Variants in ATM observed in about 807,000 individuals in gnomAD.
The protein encoded by ATM is serine-protein kinase ATM.
A neutral mutation model predicts 387.0 loss-of-function variants in ATM; 308 were observed. The observed-to-expected ratio is 0.80, with a 90% confidence interval of 0.73 to 0.87. ATM has a LOEUF of 0.87. ATM is among the 40% of genes least tolerant of loss of function. The pLI, the probability that ATM is intolerant of heterozygous loss-of-function variation, is 0.00. For missense variants in ATM, 3,312 were observed against 3,560.9 expected (o/e 0.93, Z 1.78); for synonymous variants, 1,156 against 1,187.3 (o/e 0.97, Z 0.54).
At chr11:108,287,810 A>G (rs1591656636) in intron 27 of ATM, 95 bp downstream of exon 27, 1 of 874,750 alleles carries the variant, frequency 1.1e-6, no homozygotes. Context: ...TTCAATTTAT[A>G]GACATCACTC....
In ATM at chr11:108,368,991, A is replaced by G; in HGVS notation, c.*3483A>G. 1 of 184,760 alleles carries G rather than the reference A, an allele frequency of 5.4e-6. No individual in the cohort carries two copies. Among genetic ancestry groups the G allele is most frequent in the Non-Finnish European group, 1.1e-5 (1 of 87,146 alleles). 11.4% of individuals were successfully genotyped at this position (184,760 alleles called of 1,614,324 possible). Reference sequence around the variant, plus strand: ...TCCCAATTTCAAGTATTTTAATTGCACCTTAATGAAATTATCTATTTTCTA... The same window carrying G: ...TCCCAATTTCAAGTATTTTAATTGCGCCTTAATGAAATTATCTATTTTCTA... On this transcript the variant is annotated 3_prime_UTR_variant, in exon 63 of 63. Transcript: ENST00000675843.
intron 22 of ATM, among the ~76,000 whole-genome samples, chr11:108,277,538 T>G (rs641312): frequency 1.3e-5 from 2 of 151,982 alleles, no homozygotes; most frequent in African/African-American, 4.8e-5. Context: ...TTGCAAAGAC[T>G]GCGGGAAAAG....
intron 37 of ATM, among the ~76,000 whole-genome samples, chr11:108,305,405 C>T (rs1180547036): frequency 1.3e-5 from 2 of 152,072 alleles, no homozygotes; most frequent in Non-Finnish European, 2.9e-5. Flanking sequence ...CGTGGTGAAA[C>T]CCCGTCCCTA....
chr11:108,259,071 G>A lies in ATM; in HGVS notation c.2462G>A (p.Ser821Asn). Residue 821 changes from serine to asparagine, a missense_variant, in exon 16 of 63, where the codon AGT becomes AAT. Ser to Asn is a conservative substitution (Grantham distance 46). Transcript: ENST00000675843. Reference protein sequence around the residue: ...LMNDIADICKSLASFIKKPFD... With the variant: ...LMNDIADICKNLASFIKKPFD... The stretch of plus-strand genomic sequence containing the variant: ...AATGACATTGCAGATATTTGTAAAA[G>A]TTTAGTAAGTATGCTTCCTGTTTTG... 1 of 1,611,228 alleles carries A rather than the reference G, an allele frequency of 6.2e-7. No individual in the cohort carries two copies. The highest frequency in any genetic ancestry group is 8.5e-7 in the Non-Finnish European group (1 of 1,178,208).
intron 34 of ATM, 28 bp from the exon 35 acceptor site, chr11:108,301,620 T>C (rs1565476567): frequency 1.2e-6 from 2 of 1,612,938 alleles, no homozygotes; most frequent in Non-Finnish European, 1.7e-6. Context: ...CTGGTGTACT[T>C]GATAGGCATT....
chr11:108,225,096 A>G (rs1318379183), intron 1 of ATM: 1 of 152,198 alleles, frequency 6.6e-6, no homozygotes, highest in Non-Finnish European at 1.5e-5. Flanking sequence ...GGAAGTGTCA[A>G]ATCTTTAGTA....
In ATM at chr11:108,365,407, A is replaced by G. The variant is rs587781630; in HGVS notation, c.9070A>G (p.Thr3024Ala). 6.2e-7 allele frequency: 1 copy of G among 1,614,210 alleles called. No individual in the cohort carries two copies. Among genetic ancestry groups the G allele is most frequent in the Admixed American group, 1.7e-5 (1 of 60,022 alleles). Residue 3024 changes from threonine to alanine, a missense_variant, in exon 63 of 63, where the codon ACT becomes GCT. This residue lies in a region of ATM where 95 missense variants were observed against 100.3 expected (regional missense o/e 0.95). Coordinates refer to ENST00000675843, the MANE Select transcript of ATM (RefSeq NM_000051.4). Reference sequence around the variant, plus strand: ...GAAACTGAAAGGAGTGGAAGAAGGCACTGTGCTCAGTGTTGGTGGACAAGT... The same window carrying G: ...GAAACTGAAAGGAGTGGAAGAAGGCGCTGTGCTCAGTGTTGGTGGACAAGT... The part of the protein sequence containing the change: ...QEKLKGVEEG[T>A]VLSVGGQVNL...
rs1246807453 is a variant in ATM, at chr11:108,267,219, G to C, written c.2515G>C (p.Glu839Gln). ...PFDRGEVESMEDDTNGNLMEV... is the reference protein window; with the variant it reads ...PFDRGEVESMQDDTNGNLMEV... Reference sequence around the variant, plus strand: ...TGACCGTGGAGAAGTAGAATCAATGGAAGATGATACTAATGGAAATCTAAT... The same window carrying C: ...TGACCGTGGAGAAGTAGAATCAATGCAAGATGATACTAATGGAAATCTAAT... Residue 839 changes from glutamate to glutamine, a missense_variant, in exon 17 of 63, where the codon GAA (glutamate) becomes CAA (glutamine). Around this residue, in one of 4 missense-constraint regions of ATM, gnomAD observed 1,791 missense variants for 1,804.5 expected, o/e 0.99. Coordinates refer to ENST00000675843, the MANE Select transcript of ATM (RefSeq NM_000051.4). 1 of 1,614,066 alleles carries C rather than the reference G, an allele frequency of 6.2e-7. No individual in the cohort carries two copies. Among genetic ancestry groups the C allele is most frequent in the Admixed American group, 1.7e-5 (1 of 60,016 alleles).
intron 61 of ATM, among the ~76,000 whole-genome samples, chr11:108,359,446 C>T (rs1402217049): frequency 6.6e-6 from 1 of 152,022 alleles, no homozygotes; most frequent in African/African-American, 2.4e-5. Context: ...CCAAGCGGAC[C>T]TAATAGACAT....
chr11:108,293,436 C>CA lies in ATM; in HGVS notation c.4741dup (p.Ile1581AsnfsTer5), dbSNP rs864622164. The stretch of plus-strand genomic sequence containing the variant: ...TTTTAAGGATTTGCGTATTACTCAG[C>CA]AAAAAATCAAATACAGTAGAGGACC... On this transcript the variant is annotated frameshift_variant, in exon 31 of 63. Coordinates refer to ENST00000675843, the MANE Select transcript of ATM (RefSeq NM_000051.4). LOFTEE classifies it high-confidence loss of function. 1 of 1,612,362 alleles carries CA rather than the reference C, an allele frequency of 6.2e-7. No homozygotes were observed.
chr11:108,297,315 A>G lies in ATM; in HGVS notation c.4938A>G (p.Lys1646=), dbSNP rs1171877755. ...ATCCGCAAGATGGGATTATGGTGAA[A>G]CTAGTTGTCAATTTGTTGCAGTTAT... is the stretch of plus-strand genomic sequence containing the variant. ...QDNPQDGIMV[K]LVVNLLQLSK... Residue 1646 remains lysine (K), a synonymous_variant, in exon 33 of 63, where the codon AAA becomes AAG. Transcript: ENST00000675843. 6.2e-7 allele frequency: 1 copy of G among 1,614,038 alleles called. No homozygotes were observed.
At chr11:108,267,893 C>T (rs1332880692) in intron 17 of ATM, among the ~76,000 whole-genome samples, 3 of 152,292 alleles carry the variant, frequency 2.0e-5, no homozygotes, top group African/African-American at 7.2e-5. Context: ...AGGTTATTTC[C>T]TCAATAGAAA....
intron 61 of ATM, 28 bp from the exon 62 acceptor site, chr11:108,365,054 T>A (rs1232907036): frequency 1.2e-6 from 2 of 1,611,904 alleles, no homozygotes; most frequent in East Asian, 4.5e-5. Flanking sequence ...TACATTGTTC[T>A]TTTAATACAT....
intron 16 of ATM, among the ~76,000 whole-genome samples, chr11:108,266,097 C>T (rs1384619812): frequency 3.3e-5 from 5 of 151,540 alleles, no homozygotes; most frequent in African/African-American, 7.3e-5. Context: ...GGATCTAGAA[C>T]TGGAAATACC....
intron 59 of ATM, among the ~76,000 whole-genome samples, chr11:108,352,413 G>A (rs1345567332): frequency 1.3e-5 from 2 of 152,104 alleles, no homozygotes; most frequent in African/African-American, 2.4e-5. Flanking sequence ...AGAATGAGGA[G>A]ACAGAAGAAA....
intron 61 of ATM, among the ~76,000 whole-genome samples, chr11:108,356,874 C>T (rs907675499): frequency 6.6e-6 from 1 of 152,174 alleles, no homozygotes; most frequent in East Asian, 1.9e-4. Flanking sequence ...GGTTTTGAGT[C>T]TGAAAAGTGA....
At chr11:108,257,364 C>T in intron 14 of ATM, 117 bp from the exon 15 acceptor site, 1 of 1,254,808 alleles carries the variant, frequency 8.0e-7, no homozygotes, top group Non-Finnish European at 1.1e-6. Context: ...CATTTTTTCT[C>T]TTAAGTGCAC....
chr11:108,364,061 G>C (rs1378987174), intron 61 of ATM, among the ~76,000 whole-genome samples: 1 of 152,136 alleles, frequency 6.6e-6, no homozygotes, highest in Admixed American at 6.6e-5. Context: ...TTTCTCCACA[G>C]TATTTAATGG....
At chr11:108,260,576 T>C (rs567820212) in intron 16 of ATM, among the ~76,000 whole-genome samples, 1 of 152,356 alleles carries the variant, frequency 6.6e-6, no homozygotes, top group East Asian at 1.9e-4. Flanking sequence ...TACACCCTCT[T>C]TGGGTAACAC....
Sources: allele counts gnomAD v4.1 joint callset (sites outside exome capture counted in the v4.1 genomes callset), GRCh38; gene constraint gnomAD v4.1.1; regional missense constraint gnomAD v4.1.1; transcripts MANE v1.5; gene names NCBI Gene and HGNC (gene_info 2026-07-23, HGNC 2026-07-21).